Variants in PDE4D observed in about 807,000 individuals in gnomAD.
PDE4D encodes phosphodiesterase 4D.
In PDE4D, 24 loss-of-function variants were observed where a neutral mutation model predicts 87.4. The observed-to-expected ratio is 0.27, with a 90% CI of 0.20 to 0.39. The LOEUF (loss-of-function observed/expected upper bound fraction) is 0.39. Ranked by LOEUF, PDE4D falls within the 10% of genes least tolerant of loss-of-function variation. The pLI is 1.00. For missense variants in PDE4D, 714 were observed against 1,041.0 expected (o/e 0.69, Z 4.32); for synonymous variants, 384 against 383.2 (o/e 1.00, Z -0.02).
At chr5:59,721,299 TTTG>T (rs1755794445) in intron 1 of PDE4D, among the ~76,000 whole-genome samples, 3 of 152,186 alleles carry the variant, frequency 2.0e-5, no homozygotes, top group Admixed American at 2.0e-4. Context: ...GAATAGAAAG[TTTG>T]TCTCTCTGTA....
At chr5:60,042,361 T>G (rs895836071) in intron 2 of PDE4D, among the ~76,000 whole-genome samples, 2 of 152,198 alleles carry the variant, frequency 1.3e-5, no homozygotes, top group South Asian at 4.1e-4. Flanking sequence ...GGGGTGCCTG[T>G]AGGCGCTGCT....
intron 1 of PDE4D, among the ~76,000 whole-genome samples, chr5:59,324,107 C>A (rs964131249): frequency 2.6e-5 from 4 of 152,106 alleles, no homozygotes; most frequent in Admixed American, 2.6e-4. Flanking sequence ...AGCTTTATAT[C>A]TCAGATCAGA....
chr5:58,998,984 G>A (rs1024718922), intron 6 of PDE4D, among the ~76,000 whole-genome samples: 3 of 150,686 alleles, frequency 2.0e-5, no homozygotes, highest in Admixed American at 1.3e-4. Context: ...AGACAATCAA[G>A]TTTTCACTTT....
intron 1 of PDE4D, among the ~76,000 whole-genome samples, chr5:59,251,208 A>G (rs552837034): frequency 4.4e-4 from 67 of 152,344 alleles, no homozygotes; most frequent in African/African-American, 1.6e-3. Flanking sequence ...GCTTCTGCAC[A>G]GCCAAAGAAA....
chr5:59,295,435 G>C (rs1015264296), intron 1 of PDE4D, among the ~76,000 whole-genome samples: 39 of 152,074 alleles, frequency 2.6e-4, no homozygotes, highest in South Asian at 2.1e-4. Context: ...GTCTTGACAG[G>C]CTTTTGTTTT....
chr5:59,012,204 A>C (rs1169538946), intron 6 of PDE4D, among the ~76,000 whole-genome samples: 1 of 152,204 alleles, frequency 6.6e-6, no homozygotes, highest in African/African-American at 2.4e-5. Flanking sequence ...AAACATGCCA[A>C]ATTGTAAAGA....
intron 5 of PDE4D, among the ~76,000 whole-genome samples, chr5:59,139,404 A>C (rs916237619): frequency 7.2e-5 from 11 of 152,196 alleles, no homozygotes; most frequent in African/African-American, 2.4e-4. Flanking sequence ...ATTTTACCGC[A>C]GAACATTGTT....
intron 2 of PDE4D, among the ~76,000 whole-genome samples, chr5:59,205,700 C>A (rs1748633100): frequency 1.2e-5 from 1 of 82,496 alleles, no homozygotes; most frequent in African/African-American, 3.8e-5. Context: ...ACACACACAC[C>A]AATCCACAAA....
intron 2 of PDE4D, among the ~76,000 whole-genome samples, chr5:60,136,302 A>G (rs1780038128): frequency 6.9e-6 from 1 of 144,340 alleles, no homozygotes; most frequent in South Asian, 2.2e-4. Context: ...GTGTCTTGTT[A>G]TTTCTGGACT....
chr5:60,487,961 G>A (rs1749287689), exon 1 of PDE4D: 1 of 152,558 alleles, frequency 6.6e-6, no homozygotes, highest in African/African-American at 2.4e-5. Flanking sequence ...AAGATGCAAT[G>A]TCAGCTATTT....
At chr5:59,256,191 C>A (rs1760931616) in intron 1 of PDE4D, among the ~76,000 whole-genome samples, 2 of 152,046 alleles carry the variant, frequency 1.3e-5, no homozygotes, top group Admixed American at 1.3e-4. Flanking sequence ...AATTACTGAG[C>A]AAAATACACT....
At chr5:58,982,302 C>T (rs1045269219) in intron 11 of PDE4D, among the ~76,000 whole-genome samples, 2 of 152,160 alleles carry the variant, frequency 1.3e-5, no homozygotes, top group Non-Finnish European at 2.9e-5. Flanking sequence ...CCCAGCCCTG[C>T]AAGGTCTTGC....
At chr5:59,529,720 CATT>C (rs1358942510) in intron 1 of PDE4D, among the ~76,000 whole-genome samples, 3 of 152,142 alleles carry the variant, frequency 2.0e-5, no homozygotes, top group African/African-American at 7.2e-5. Context: ...GAAATAAAAA[CATT>C]ATATGACCAA....
intron 1 of PDE4D, among the ~76,000 whole-genome samples, chr5:59,600,721 C>T (rs1010016625): frequency 2.4e-4 from 37 of 152,136 alleles, no homozygotes; most frequent in African/African-American, 8.9e-4. Flanking sequence ...GTGAGCTCAT[C>T]TGCTACAAAA....
chr5:59,708,520 G>C (rs559791340), intron 1 of PDE4D, among the ~76,000 whole-genome samples: 4 of 152,166 alleles, frequency 2.6e-5, no homozygotes, highest in Non-Finnish European at 5.9e-5. Context: ...AAAGCTGGGA[G>C]TCTATGGAGC....
At chr5:59,373,129 T>C (rs1467938295) in intron 1 of PDE4D, among the ~76,000 whole-genome samples, 1 of 152,220 alleles carries the variant, frequency 6.6e-6, no homozygotes, top group Non-Finnish European at 1.5e-5. Flanking sequence ...GTGCCTTTTT[T>C]CCTCCAAACA....
chr5:59,965,982 C>T (rs1028583446), intron 3 of PDE4D, among the ~76,000 whole-genome samples: 2 of 152,088 alleles, frequency 1.3e-5, no homozygotes, highest in Admixed American at 6.6e-5. Flanking sequence ...TAAACAGGAG[C>T]ACATGAAAAT....
At chr5:59,186,260 A>AT (rs1581251742) in intron 3 of PDE4D, among the ~76,000 whole-genome samples, 1 of 152,326 alleles carries the variant, frequency 6.6e-6, no homozygotes, top group Non-Finnish European at 1.5e-5. Context: ...TGGACTAGAT[A>AT]TGCAACCTCT....
intron 1 of PDE4D, among the ~76,000 whole-genome samples, chr5:59,412,612 T>C (rs1459164947): frequency 1.3e-5 from 2 of 152,230 alleles, no homozygotes; most frequent in South Asian, 2.1e-4. Flanking sequence ...TATTGATCCA[T>C]GGAAAATATT....
Sources: allele counts gnomAD v4.1 joint callset (sites outside exome capture counted in the v4.1 genomes callset), GRCh38; gene constraint gnomAD v4.1.1; transcripts MANE v1.5; gene names NCBI Gene and HGNC (gene_info 2026-07-23, HGNC 2026-07-21).